OCA2: variants seen among roughly 807,000 people sequenced by gnomAD.
The protein encoded by OCA2 is OCA2 melanosomal transmembrane protein.
In OCA2, 77 loss-of-function variants were observed where a neutral mutation model predicts 100.2. The observed-to-expected ratio is 0.77, with a 90% CI of 0.64 to 0.93. OCA2 has a LOEUF of 0.93. Ranked by LOEUF, OCA2 falls within the 40% of genes least tolerant of loss-of-function variation. The pLI is 0.00. For synonymous variants in OCA2, 432 were observed against 439.2 expected (o/e 0.98, Z 0.21); for missense variants, 1,062 against 1,089.1 (o/e 0.98, Z 0.35).
chr15:28,073,401 C>G (rs563356402), intron 2 of OCA2, among the ~76,000 whole-genome samples: 3 of 152,160 alleles, frequency 2.0e-5, no homozygotes, highest in Non-Finnish European at 4.4e-5. Context: ...GCAACAAGAG[C>G]GAAACTCCAT....
intron 21 of OCA2, among the ~76,000 whole-genome samples, chr15:27,863,370 A>G (rs1006684611): frequency 6.6e-6 from 1 of 152,198 alleles, no homozygotes; most frequent in Non-Finnish European, 1.5e-5. Flanking sequence ...ATGGATTGCC[A>G]TGAGGCAGGG....
In OCA2 at chr15:27,778,361, A is replaced by T. The variant is rs1252732497; in HGVS notation, c.2433-22889T>A. ...TACGCACCAGGAGAATGTGACCATC[A>T]AAAAGAAAGAAAAACAAAAGAGAGG... On this transcript the variant is annotated intron_variant, in intron 23 of 23. Coordinates refer to ENST00000354638, the MANE Select transcript of OCA2 (RefSeq NM_000275.3). 6.6e-6 allele frequency among the ~76,000 whole-genome samples: 1 copy of T among 152,184 alleles called. No individual in the cohort carries two copies. Among genetic ancestry groups the T allele is most frequent in the Non-Finnish European group, 1.5e-5 (1 of 68,034 alleles).
chr15:27,985,338 G>A lies in OCA2; in HGVS notation c.1240-150C>T, dbSNP rs566923969. On this transcript the variant is annotated intron_variant, in intron 12 of 23. Transcript: ENST00000354638. ...AGACCCACGGAGTCCTAGGGGGGCCGAGATGAGACAGTGCTGGCCATCGAA... is the reference window on the plus strand; with the variant it reads ...AGACCCACGGAGTCCTAGGGGGGCCAAGATGAGACAGTGCTGGCCATCGAA... 17 of 891,410 alleles carry A rather than the reference G, an allele frequency of 1.9e-5. No individual in the cohort carries two copies. In the East Asian group the frequency reaches 2.6e-4, roughly 14 times the overall value. 55.2% of individuals were successfully genotyped at this position (891,410 alleles called of 1,614,324 possible). A position where few individuals can be genotyped will look rare whatever the true frequency, so the allele number is the denominator to read the frequency against.
At chr15:27,735,135 C>T in the OCA2 span, among the ~76,000 whole-genome samples, 4 of 151,522 alleles carry the variant, frequency 2.6e-5, no homozygotes, top group African/African-American at 9.7e-5. Context: ...TATTAAGTGG[C>T]CAGAATGAGA....
At chr15:27,871,028 G>A (rs1317085797) in intron 21 of OCA2, 126 bp downstream of exon 21, 26 of 775,150 alleles carry the variant, frequency 3.4e-5, no homozygotes, top group Admixed American at 6.0e-5. Context: ...GCTCACTTTC[G>A]TCCTCTACAC....
rs74390868 is a variant in OCA2, at chr15:27,824,828, G to A, written c.2432+20131C>T. ...GGCCTGTGGAAGGGTGCTGTTCCCC[G>A]TCCCTCTGCCGAAGACAGGCCTCCG... On this transcript the variant is annotated intron_variant, in intron 23 of 23. Transcript: ENST00000354638. Among the ~76,000 whole-genome samples, 583 of 151,522 alleles carry A rather than the reference G, an allele frequency of 3.8e-3. 5 individuals are homozygous for A. Among genetic ancestry groups the A allele is most frequent in the African/African-American group, 0.014 (559 of 41,276 alleles).
chr15:27,964,797 A>G (rs1483709696), intron 15 of OCA2, among the ~76,000 whole-genome samples: 1 of 152,070 alleles, frequency 6.6e-6, no homozygotes, highest in African/African-American at 2.4e-5. Context: ...GAGCCCTCTA[A>G]GCCCCACAGT....
chr15:28,032,037 C>T (rs771354307), intron 3 of OCA2, 28 bp downstream of exon 3: 1 of 1,564,774 alleles, frequency 6.4e-7, no homozygotes, highest in East Asian at 2.2e-5. Flanking sequence ...GAAACTCTTA[C>T]TTTCATATGA....
intron 23 of OCA2, among the ~76,000 whole-genome samples, chr15:27,832,695 G>A (rs2035007339): frequency 6.6e-6 from 1 of 152,202 alleles, no homozygotes; most frequent in South Asian, 2.1e-4. Context: ...CACAGTATCT[G>A]CCTGCTTCAT....
chr15:27,749,047 G>T, the OCA2 span, among the ~76,000 whole-genome samples: 1 of 152,108 alleles, frequency 6.6e-6, no homozygotes, highest in South Asian at 2.1e-4. Context: ...GGGGCTGAAG[G>T]AATATTTGGA....
chr15:27,862,695 G>A lies in OCA2; in HGVS notation c.2244+8459C>T, dbSNP rs529448561. Among the ~76,000 whole-genome samples, 4 of 152,084 alleles carry A rather than the reference G, an allele frequency of 2.6e-5. No individual in the cohort carries two copies. The South Asian group carries it at 6.2e-4, about 24-fold the overall frequency. ...TTACCATGTTGGCCAGGCTGGTACC[G>A]AACTCTTGATCTCAGGTGATCCACT... is the stretch of plus-strand genomic sequence containing the variant. On this transcript the variant is annotated intron_variant, in intron 21 of 23. Transcript: ENST00000354638.
rs1366223292 is a variant in OCA2 at position 28,069,975 on chromosome 15, G to A, written c.227+11673C>T. Among the ~76,000 whole-genome samples the A allele has an allele frequency of 5.1e-5, 6 of 117,172 alleles. 1 individual carries two copies. The highest frequency in any genetic ancestry group is 3.4e-4 in the East Asian group (1 of 2,954). 76.9% of individuals were successfully genotyped at this position (117,172 alleles called of 152,430 possible). Reference sequence around the variant, plus strand: ...AAGTGAGGAGCGCCTCTTCCCAGCCGCCATCACATCTAGGAAGTGAGGAGC... The same window carrying A: ...AAGTGAGGAGCGCCTCTTCCCAGCCACCATCACATCTAGGAAGTGAGGAGC... On this transcript the variant is annotated intron_variant, in intron 2 of 23. Coordinates refer to ENST00000354638, the MANE Select transcript of OCA2 (RefSeq NM_000275.3).
chr15:27,750,011 C>T (rs1296914977), downstream of OCA2, among the ~76,000 whole-genome samples: 1 of 152,174 alleles, frequency 6.6e-6, no homozygotes, highest in Non-Finnish European at 1.5e-5. Context: ...CAAGCATAGG[C>T]TTTAGCAAAG....
At chr15:27,851,183 G>A (rs796201587) in intron 22 of OCA2, among the ~76,000 whole-genome samples, 199 bp downstream of exon 22, 7 of 152,184 alleles carry the variant, frequency 4.6e-5, no homozygotes, top group Non-Finnish European at 7.3e-5. Context: ...CCGGGAAGTC[G>A]GGGGCAGCTC....
At chr15:28,023,016 A>G (rs1167370143) in intron 5 of OCA2, among the ~76,000 whole-genome samples, 1 of 152,088 alleles carries the variant, frequency 6.6e-6, no homozygotes, top group Non-Finnish European at 1.5e-5. Flanking sequence ...CTCAAATTCT[A>G]TTTTGGATAT....
chr15:27,764,505 C>T (rs2031101302), intron 23 of OCA2, among the ~76,000 whole-genome samples: 1 of 152,140 alleles, frequency 6.6e-6, no homozygotes, highest in Admixed American at 6.5e-5. Context: ...AGACCAGGAG[C>T]CAACAAACTA....
the OCA2 span, among the ~76,000 whole-genome samples, chr15:27,734,204 C>T: frequency 1.5e-5 from 2 of 132,142 alleles, no homozygotes; most frequent in Non-Finnish European, 3.1e-5. Flanking sequence ...GGCAGAATGG[C>T]AGAATAGTGC....
chr15:27,799,691 G>A (rs2033507475), intron 23 of OCA2, among the ~76,000 whole-genome samples: 1 of 151,742 alleles, frequency 6.6e-6, no homozygotes, highest in African/African-American at 2.4e-5. Flanking sequence ...GCTGCAGTGA[G>A]CCGAGATGGT....
At chr15:27,855,978 C>T (rs531890388) in intron 21 of OCA2, among the ~76,000 whole-genome samples, 41 of 152,284 alleles carry the variant, frequency 2.7e-4, no homozygotes, top group African/African-American at 9.6e-4. Flanking sequence ...CATTGCCGCA[C>T]GGCTCTGAAG....
Sources: allele counts gnomAD v4.1 joint callset (sites outside exome capture counted in the v4.1 genomes callset), GRCh38; gene constraint gnomAD v4.1.1; transcripts MANE v1.5; gene names NCBI Gene and HGNC (gene_info 2026-07-23, HGNC 2026-07-21).